Variants in COL4A6 observed in about 807,000 individuals in gnomAD.
COL4A6 encodes the protein collagen type IV alpha 6 chain.
Under a neutral mutation model 126.7 loss-of-function variants are expected in COL4A6, and 59 were observed. The ratio of observed to expected loss-of-function variants is 0.47; its 90% CI spans 0.38 to 0.58. COL4A6 has a LOEUF of 0.58. COL4A6 is among the 20% of genes least tolerant of loss of function. COL4A6 has a pLI of 0.00. For missense variants in COL4A6, 1,285 were observed against 1,337.3 expected, an observed-to-expected ratio of 0.96 and a Z score of 0.61; for synonymous variants, 547 against 496.6, an observed-to-expected ratio of 1.10 and a Z score of -1.35.
chrX:108,321,069 G>A, intron 2 of COL4A6, among the ~76,000 whole-genome samples: 1 of 111,988 alleles, frequency 8.9e-6, no homozygotes, highest in Admixed American at 9.5e-5. Flanking sequence ...AGGGTTTAGT[G>A]AGGTTAAATA....
At chrX:108,383,475 C>T (rs878868161) in intron 2 of COL4A6, 3 of 448,389 alleles carry the variant, frequency 6.7e-6, no homozygotes, top group Admixed American at 6.5e-5. Flanking sequence ...AGGTAGGTTA[C>T]CCCAGAAGCC....
rs374185975 is a variant in COL4A6, at chrX:108,193,714, C to T, written c.1003-17G>A. The T allele has an allele frequency of 5.2e-6, 6 of 1,154,785 alleles. No individual in the cohort carries two copies. The African/African-American group carries it at 5.4e-5, about 10-fold the overall frequency. On this transcript the variant is annotated splice_polypyrimidine_tract_variant and intron_variant, in intron 16 of 44. Transcript: ENST00000334504. ...CTTTTGACCCTGCAAAGATTAAGTA[C>T]ATTAAACACAAATATTTCCATTTCC...
intron 3 of COL4A6, among the ~76,000 whole-genome samples, chrX:108,281,798 A>C (rs77168869): frequency 0.27 from 29,241 of 109,721 alleles, 3,218 homozygotes; most frequent in East Asian, 0.62. Flanking sequence ...CAAAACAGAG[A>C]TATAGATCAA....
chrX:108,353,640 T>C (rs1404041824), intron 2 of COL4A6, among the ~76,000 whole-genome samples: 1 of 111,340 alleles, frequency 9.0e-6, no homozygotes, highest in African/African-American at 3.3e-5. Context: ...TAAGCAAACA[T>C]TCAGTGGAGG....
intron 3 of COL4A6, among the ~76,000 whole-genome samples, chrX:108,284,851 C>T (rs1009320553): frequency 8.9e-5 from 10 of 112,009 alleles, no homozygotes; most frequent in African/African-American, 2.9e-4. Context: ...TCAAACGTGC[C>T]TCCATGTCTA....
chrX:108,389,916 C>A (rs1183056738), intron 2 of COL4A6, among the ~76,000 whole-genome samples: 9 of 111,536 alleles, frequency 8.1e-5, no homozygotes, highest in Non-Finnish European at 1.5e-4. Flanking sequence ...TCTTGTAAGG[C>A]AGGCCCGGTG....
chrX:108,386,591 G>T (rs868225940), intron 2 of COL4A6, among the ~76,000 whole-genome samples: 5 of 111,474 alleles, frequency 4.5e-5, no homozygotes, highest in African/African-American at 1.6e-4. Flanking sequence ...AATTGTTTAC[G>T]TTCTTTGTAG....
chrX:108,339,937 G>A (rs907768472), intron 2 of COL4A6, among the ~76,000 whole-genome samples: 5 of 110,888 alleles, frequency 4.5e-5, no homozygotes, highest in Admixed American at 3.9e-4. Flanking sequence ...TGATTGCCCT[G>A]GATAAACACC....
intron 2 of COL4A6, among the ~76,000 whole-genome samples, chrX:108,358,954 C>T (rs1305135511): frequency 9.0e-6 from 1 of 111,263 alleles, no homozygotes; most frequent in Non-Finnish European, 1.9e-5. Flanking sequence ...AGAGGGAGTA[C>T]ATCGAAAAGA....
chrX:108,206,469 A>G, intron 9 of COL4A6, 49 bp downstream of exon 9: 1 of 1,150,586 alleles, frequency 8.7e-7, no homozygotes, highest in Non-Finnish European at 1.2e-6. Context: ...TGTAGGGAAA[A>G]CAACCATGTG....
intron 2 of COL4A6, among the ~76,000 whole-genome samples, chrX:108,334,837 C>T (rs750342968): frequency 9.0e-6 from 1 of 111,731 alleles, no homozygotes; most frequent in Non-Finnish European, 1.9e-5. Flanking sequence ...GGATATTTAC[C>T]TCATAACAGA....
chrX:108,390,648 C>T (rs778861929), intron 2 of COL4A6, among the ~76,000 whole-genome samples: 1 of 109,917 alleles, frequency 9.1e-6, no homozygotes, highest in South Asian at 4.0e-4. Flanking sequence ...TTTCAAGGTT[C>T]TTAGCTTCCT....
chrX:108,295,851 T>C (rs181024093), intron 3 of COL4A6, among the ~76,000 whole-genome samples: 25 of 112,242 alleles, frequency 2.2e-4, no homozygotes, highest in Middle Eastern at 9.2e-3. Flanking sequence ...CACCATTTAA[T>C]GCCACAGTTG....
chrX:108,175,401 A>G (rs193289117), intron 29 of COL4A6, among the ~76,000 whole-genome samples, 186 bp from the exon 30 acceptor site: 1 of 111,163 alleles, frequency 9.0e-6, no homozygotes, highest in African/African-American at 3.3e-5. Flanking sequence ...TCCCAAGTCT[A>G]TCAGCAACTT....
At position 108,187,892 on chromosome X, in the gene COL4A6, C is replaced by T; in HGVS notation, c.1723G>A (p.Gly575Ser). The T allele has an allele frequency of 1.7e-6, 2 of 1,209,428 alleles. No homozygotes were observed. Among genetic ancestry groups the T allele is most frequent in the Non-Finnish European group, 2.2e-6 (2 of 894,307 alleles). ...GGTAAACCTGGTACTCCGTCCTTGC[C>T]TGGTTCTCCTATTACACCACGGAAG... ...QGFRGVIGEP[G>S]KDGVPGLPGL... Residue 575 changes from glycine (G) to serine (S), a missense_variant, in exon 22 of 45, where the codon GGC becomes AGC. By Grantham distance (56) the Gly-to-Ser change is moderately conservative. Coordinates refer to ENST00000334504, the MANE Select transcript of COL4A6 (RefSeq NM_033641.4).
At chrX:108,232,958 G>C (rs1483643106) in intron 3 of COL4A6, among the ~76,000 whole-genome samples, 4 of 111,784 alleles carry the variant, frequency 3.6e-5, no homozygotes, top group African/African-American at 1.3e-4. Flanking sequence ...TCAAGGAAGA[G>C]CTTTCAGTAG....
intron 3 of COL4A6, among the ~76,000 whole-genome samples, chrX:108,240,255 AAAC>A (rs773960653): frequency 3.6e-5 from 4 of 111,347 alleles, no homozygotes; most frequent in Admixed American, 1.9e-4. Flanking sequence ...AACAAAAACA[AAAC>A]AACAACAACA....
At chrX:108,402,028 AT>A (rs1467528930) in intron 2 of COL4A6, among the ~76,000 whole-genome samples, 1 of 111,191 alleles carries the variant, frequency 9.0e-6, no homozygotes, top group Non-Finnish European at 1.9e-5. Flanking sequence ...TTTGTTTAGG[AT>A]TGTTACATTT....
chrX:108,166,352 G>A (rs1777214035), intron 37 of COL4A6, among the ~76,000 whole-genome samples: 1 of 112,391 alleles, frequency 8.9e-6, no homozygotes, highest in Admixed American at 9.4e-5. Context: ...TATACATGTA[G>A]CATGGAAGAT....
Sources: gnomAD v4.1 joint callset for allele counts (sites outside exome capture counted in the v4.1 genomes callset) on GRCh38, gnomAD v4.1.1 for gene constraint, MANE v1.5 for transcripts, NCBI Gene and HGNC (gene_info 2026-07-23, HGNC 2026-07-21) for gene names.